The following ARL15 variants were observed in gnomAD, a reference collection of about 807,000 sequenced individuals.
ARL15 encodes ADP-ribosylation factor-like protein 15.
In ARL15, 19 loss-of-function variants were observed where a neutral mutation model predicts 25.2. That is an observed-to-expected ratio of 0.75 (90% CI 0.53 to 1.10). The LOEUF is 1.10. ARL15 is among the 50% of genes least tolerant of loss of function. The pLI, the probability that ARL15 is intolerant of heterozygous loss-of-function variation, is 0.00. For missense variants in ARL15, 220 were observed against 246.0 expected, an observed-to-expected ratio of 0.89 and a Z score of 0.71; for synonymous variants, 94 against 86.8, an observed-to-expected ratio of 1.08 and a Z score of -0.46.
chr5:54,249,062 A>G lies in ARL15; in HGVS notation c.48+61370T>C, dbSNP rs539545946. On this transcript the variant is annotated intron_variant, in intron 1 of 4. Transcript: ENST00000504924. ...TAAAAAAAATAATAAAAAATAAAAA[A>G]AAGAATCAGTGATGGAAAAGAAGCC... 9.8e-5 allele frequency among the ~76,000 whole-genome samples: 15 copies of G among 152,310 alleles called. No homozygotes were observed. The South Asian group carries it at 1.7e-3, about 17-fold the overall frequency.
intron 4 of ARL15, among the ~76,000 whole-genome samples, chr5:54,007,852 ATGTTGGGGGTCTTGTC>A (rs1283760840): frequency 6.6e-6 from 1 of 152,144 alleles, no homozygotes; most frequent in East Asian, 1.9e-4. Context: ...GCAGCTCCCA[ATGTTGGGGGTCTTGTC>A]TGCCTTCACC....
Position 54,107,756 on chromosome 5 carries a change from TA to T in ARL15, c.462+5445del, listed in dbSNP as rs1752632458. ...ATGGGGGTTTTAAAAGAGAACATAA[TA>T]AATTACTTTTTGTATATACATTGAC... On this transcript the variant is annotated intron_variant, in intron 4 of 4. Transcript: ENST00000504924. 2.6e-5 allele frequency among the ~76,000 whole-genome samples: 4 copies of T among 152,302 alleles called. No individual in the cohort carries two copies. The South Asian group carries it at 8.3e-4, about 32-fold the overall frequency.
At chr5:53,920,209 T>C (rs1194099761) in intron 4 of ARL15, among the ~76,000 whole-genome samples, 4 of 152,188 alleles carry the variant, frequency 2.6e-5, no homozygotes, top group Admixed American at 2.6e-4. Flanking sequence ...CAAATTATTA[T>C]TTTATTTTTG....
At chr5:53,984,373 C>A (rs897006983) in intron 4 of ARL15, among the ~76,000 whole-genome samples, 1 of 152,104 alleles carries the variant, frequency 6.6e-6, no homozygotes, top group Non-Finnish European at 1.5e-5. Context: ...TCTCTCTTAT[C>A]CTGCTTGCTT....
intron 1 of ARL15, among the ~76,000 whole-genome samples, chr5:54,247,567 G>A (rs1340894295): frequency 2.0e-5 from 3 of 148,744 alleles, no homozygotes; most frequent in Non-Finnish European, 3.0e-5. Context: ...AAGAATGGGA[G>A]GAAAGGAAGA....
intron 1 of ARL15, among the ~76,000 whole-genome samples, chr5:54,307,552 T>A (rs1057141278): frequency 2.0e-5 from 3 of 152,222 alleles, no homozygotes; most frequent in African/African-American, 4.8e-5. Context: ...ACCTTGACTG[T>A]CACTTCTGAG....
chr5:54,254,202 G>C (rs987052646), intron 1 of ARL15, among the ~76,000 whole-genome samples: 12 of 152,154 alleles, frequency 7.9e-5, no homozygotes, highest in Admixed American at 7.2e-4. Flanking sequence ...CCCAAAATCA[G>C]ATAATGAAGA....
intron 4 of ARL15, among the ~76,000 whole-genome samples, chr5:53,889,678 G>C (rs1744650911): frequency 6.6e-6 from 1 of 152,176 alleles, no homozygotes; most frequent in Non-Finnish European, 1.5e-5. Context: ...CATTTCACTA[G>C]TATTCAAGTA....
chr5:54,244,838 A>G (rs1295396824), intron 1 of ARL15, among the ~76,000 whole-genome samples: 1 of 152,146 alleles, frequency 6.6e-6, no homozygotes, highest in African/African-American at 2.4e-5. Flanking sequence ...ATCAGCATTT[A>G]TTAAAAATTA....
At chr5:53,979,829 TTGTGTG>T (rs70986653) in intron 4 of ARL15, among the ~76,000 whole-genome samples, 2,747 of 143,112 alleles carry the variant, frequency 0.019, 34 homozygotes, top group African/African-American at 0.035. Flanking sequence ...TTAAAGTCTT[TTGTGTG>T]TGTGTGTGTG....
chr5:54,126,604 G>T (rs189251891), intron 3 of ARL15, among the ~76,000 whole-genome samples: 5 of 152,270 alleles, frequency 3.3e-5, no homozygotes, highest in Admixed American at 2.0e-4. Flanking sequence ...GTGTTGGGGG[G>T]TAGGGCCTAA....
At chr5:54,056,766 C>T (rs1249271096) in intron 4 of ARL15, among the ~76,000 whole-genome samples, 1 of 151,980 alleles carries the variant, frequency 6.6e-6, no homozygotes, top group Non-Finnish European at 1.5e-5. Flanking sequence ...CTATGAGGCA[C>T]GACATAGCTG....
At chr5:54,018,040 TA>T (rs1749480673) in intron 4 of ARL15, among the ~76,000 whole-genome samples, 1 of 152,186 alleles carries the variant, frequency 6.6e-6, no homozygotes, top group South Asian at 2.1e-4. Context: ...AATACCCATA[TA>T]ATCACTAGGC....
At chr5:54,137,852 C>A (rs1460963841) in intron 3 of ARL15, among the ~76,000 whole-genome samples, 2 of 149,738 alleles carry the variant, frequency 1.3e-5, no homozygotes, top group Admixed American at 6.7e-5. Context: ...CTTTGAATCC[C>A]GTAACATGGA....
At chr5:54,250,370 G>A (rs1210483783) in intron 1 of ARL15, among the ~76,000 whole-genome samples, 2 of 152,120 alleles carry the variant, frequency 1.3e-5, no homozygotes, top group Non-Finnish European at 2.9e-5. Flanking sequence ...CATATCACAG[G>A]GCTTCTGGCT....
intron 4 of ARL15, among the ~76,000 whole-genome samples, chr5:54,083,913 A>C (rs1262119164): frequency 6.6e-6 from 1 of 152,196 alleles, no homozygotes; most frequent in Admixed American, 6.5e-5. Flanking sequence ...GCTAAAATTA[A>C]ATGGAGTAGG....
chr5:54,064,998 A>G (rs1466688134), intron 4 of ARL15, among the ~76,000 whole-genome samples: 1 of 152,186 alleles, frequency 6.6e-6, no homozygotes, highest in African/African-American at 2.4e-5. Context: ...CTACTCCATA[A>G]ACATTTGTTG....
intron 4 of ARL15, among the ~76,000 whole-genome samples, chr5:54,043,992 G>C (rs1750428892): frequency 6.6e-6 from 1 of 152,048 alleles, no homozygotes; most frequent in East Asian, 1.9e-4. Context: ...CAGAGACAGA[G>C]AGCCTATCTC....
At chr5:54,028,834 C>T (rs574208530) in intron 4 of ARL15, among the ~76,000 whole-genome samples, 14 of 152,124 alleles carry the variant, frequency 9.2e-5, no homozygotes, top group South Asian at 8.3e-4. Flanking sequence ...CAACATAGCA[C>T]GACCCCATCT....
Sources: gnomAD v4.1 joint callset for allele counts (sites outside exome capture counted in the v4.1 genomes callset) on GRCh38, gnomAD v4.1.1 for gene constraint, MANE v1.5 for transcripts, NCBI Gene and HGNC (gene_info 2026-07-23, HGNC 2026-07-21) for gene names.